Variants in DYRK3 observed in about 807,000 individuals in gnomAD.
DYRK3 encodes dual specificity tyrosine-phosphorylation-regulated kinase 3.
DYRK3 carries 30 observed loss-of-function variants against 40.8 expected under a neutral mutation model. The ratio of observed to expected loss-of-function variants is 0.74; its 90% CI spans 0.55 to 1.00. DYRK3 has a LOEUF of 1.00. Among genes scored for constraint, DYRK3 ranks in the 50% least tolerant of loss-of-function variants. DYRK3 has a pLI of 0.00. For missense variants in DYRK3, 699 were observed against 731.5 expected (o/e 0.96, Z 0.51); for synonymous variants, 272 against 260.7 (o/e 1.04, Z -0.42).
intron 2 of DYRK3, among the ~76,000 whole-genome samples, chr1:206,646,695 C>T (rs1354231699): frequency 2.6e-5 from 4 of 152,190 alleles, no homozygotes; most frequent in African/African-American, 9.7e-5. Flanking sequence ...ACATTCAGCC[C>T]TGCTAGTCTA....
In DYRK3 at chr1:206,651,821, G is replaced by A. The variant is rs1671639492; in HGVS notation, c.*2856G>A. The stretch of plus-strand genomic sequence containing the variant: ...TGGATTTCTGCATGGGTTTCTCACT[G>A]AATAGTAAATTAGAGAAAATGCTAC... On this transcript the variant is annotated 3_prime_UTR_variant, in exon 3 of 3. Coordinates refer to ENST00000367109, the MANE Select transcript of DYRK3 (RefSeq NM_003582.4). Among the ~76,000 whole-genome samples, 1 of 152,170 alleles carries A rather than the reference G, an allele frequency of 6.6e-6. No homozygotes were observed. Among genetic ancestry groups the A allele is most frequent in the Admixed American group, 6.5e-5 (1 of 15,282 alleles).
chr1:206,640,344 CTT>C (rs1364395486), intron 2 of DYRK3, among the ~76,000 whole-genome samples: 6 of 151,970 alleles, frequency 3.9e-5, no homozygotes, highest in African/African-American at 1.5e-4. Flanking sequence ...GATCCTGTTA[CTT>C]TTTTTTACAA....
At chr1:206,642,572 A>G (rs1671321188) in intron 2 of DYRK3, among the ~76,000 whole-genome samples, 1 of 152,228 alleles carries the variant, frequency 6.6e-6, no homozygotes. Flanking sequence ...AATGTGGCAC[A>G]TATACACCAT....
At position 206,644,439 on chromosome 1, in the gene DYRK3, T is replaced by C. The variant is rs11119237; in HGVS notation, c.190-2949T>C. On this transcript the variant is annotated intron_variant, in intron 2 of 2. Coordinates refer to ENST00000367109, the MANE Select transcript of DYRK3 (RefSeq NM_003582.4). ...AAGACTTAAGCAGTAAATATTTAGA[T>C]GAATTAAAGTTAGGTAGTAAAGATT... 0.029 allele frequency among the ~76,000 whole-genome samples: 4,458 copies of C among 152,342 alleles called. 617 individuals are homozygous for C. In the East Asian group the frequency reaches 0.47, roughly 16 times the overall value.
At chr1:206,646,070 G>A (rs1302199226) in intron 2 of DYRK3, among the ~76,000 whole-genome samples, 3 of 151,960 alleles carry the variant, frequency 2.0e-5, no homozygotes, top group Non-Finnish European at 4.4e-5. Context: ...AGCTGGTATC[G>A]AACTTCTAAC....
chr1:206,639,928 C>CTTTTTTTTT (rs1166474916), intron 2 of DYRK3, among the ~76,000 whole-genome samples: 4 of 87,500 alleles, frequency 4.6e-5, no homozygotes, highest in Non-Finnish European at 6.6e-5. Context: ...TTACTCATTT[C>CTTTTTTTTT]TTTTTTTTTT....
Position 206,637,673 on chromosome 1 carries a change from C to T in DYRK3, c.101C>T (p.Thr34Ile). ...AGGTTGGGGGATGGTGTCTATGACA[C>T]CTTCATGATGATAGATGAAACCAAA... ...QRRLGDGVYDTFMMIDETKCP... is the reference protein window; with the variant it reads ...QRRLGDGVYDIFMMIDETKCP... The change falls in exon 2 of 3, where the codon ACC (threonine) becomes ATC (isoleucine). Residue 34 changes from threonine (T) to isoleucine (I), a missense_variant. Physicochemically the swap from Thr to Ile is moderately conservative, Grantham distance 89. Coordinates refer to ENST00000367109, the MANE Select transcript of DYRK3 (RefSeq NM_003582.4). 2 of 1,613,804 alleles carry T rather than the reference C, an allele frequency of 1.2e-6. No individual in the cohort carries two copies. Among genetic ancestry groups the T allele is most frequent in the Non-Finnish European group, 1.7e-6 (2 of 1,179,870 alleles).
In DYRK3 at chr1:206,648,135, C is replaced by G. The variant is rs200513273; in HGVS notation, c.937C>G (p.Arg313Gly). 1.9e-6 allele frequency: 3 copies of G among 1,613,978 alleles called. No individual in the cohort carries two copies. Among genetic ancestry groups the G allele is most frequent in the Non-Finnish European group, 2.5e-6 (3 of 1,180,024 alleles). The part of the protein sequence containing the change: ...KFQGFSVQLV[R>G]KFAQSILQSL... ...TCAGGGTTTTAGCGTCCAGTTGGTA[C>G]GCAAGTTTGCCCAGTCCATCTTGCA... Residue 313 changes from arginine to glycine, a missense_variant, in exon 3 of 3, where the codon CGC (arginine) becomes GGC (glycine). Coordinates refer to ENST00000367109, the MANE Select transcript of DYRK3 (RefSeq NM_003582.4).
chr1:206,642,464 A>G (rs184560736), intron 2 of DYRK3, among the ~76,000 whole-genome samples: 13 of 152,356 alleles, frequency 8.5e-5, no homozygotes, highest in Admixed American at 4.6e-4. Context: ...ATGCTGCTAT[A>G]AAGACACATG....
At position 206,651,378 on chromosome 1, in the gene DYRK3, T is replaced by G. The variant is rs1553421306; in HGVS notation, c.*2413T>G. Reference sequence around the variant, plus strand: ...TCATGGCCAGGAAGATGAAACACCTTGAGAAATGGGAACATCTCTTCACTG... The same window carrying G: ...TCATGGCCAGGAAGATGAAACACCTGGAGAAATGGGAACATCTCTTCACTG... On this transcript the variant is annotated 3_prime_UTR_variant, in exon 3 of 3. Coordinates refer to ENST00000367109, the MANE Select transcript of DYRK3 (RefSeq NM_003582.4). 6.6e-6 allele frequency among the ~76,000 whole-genome samples: 1 copy of G among 152,222 alleles called. No homozygotes were observed. Among genetic ancestry groups the G allele is most frequent in the African/African-American group, 2.4e-5 (1 of 41,448 alleles).
At chr1:206,647,287 A>G in intron 2 of DYRK3, 101 bp from the exon 3 acceptor site, 1 of 1,236,548 alleles carries the variant, frequency 8.1e-7, no homozygotes, top group Non-Finnish European at 1.1e-6. Context: ...CCTTAAAGTA[A>G]ACATGACTGG....
chr1:206,654,873 T>C lies in DYRK3; in HGVS notation c.*5908T>C, dbSNP rs1671714032. Among the ~76,000 whole-genome samples the C allele has an allele frequency of 1.3e-5, 2 of 152,188 alleles. No homozygotes were observed. The highest frequency in any genetic ancestry group is 4.8e-5 in the African/African-American group (2 of 41,452). ...ATATTTTTCTATAACAGGAGAAGCC[T>C]CCCTGACTGGAGACTAGAGTCTCAC... On this transcript the variant is annotated 3_prime_UTR_variant, in exon 3 of 3. Transcript: ENST00000367109.
At chr1:206,637,051 G>T in intron 1 of DYRK3, 2 of 1,009,516 alleles carry the variant, frequency 2.0e-6, no homozygotes, top group South Asian at 1.3e-5. Flanking sequence ...AGGTTAGGTA[G>T]ATGTAAGTAG....
intron 2 of DYRK3, among the ~76,000 whole-genome samples, chr1:206,643,184 A>G (rs1553419579): frequency 6.6e-6 from 1 of 152,122 alleles, no homozygotes; most frequent in African/African-American, 2.4e-5. Flanking sequence ...GGAGGCAGGG[A>G]CAGCACAGCC....
At chr1:206,640,136 A>T (rs1029469075) in intron 2 of DYRK3, among the ~76,000 whole-genome samples, 24 of 151,320 alleles carry the variant, frequency 1.6e-4, no homozygotes, top group African/African-American at 5.8e-4. Flanking sequence ...GGGTTTCACC[A>T]TGTTGGCCAG....
chr1:206,636,662 C>G (rs1015927598), intron 1 of DYRK3, among the ~76,000 whole-genome samples: 25 of 151,998 alleles, frequency 1.6e-4, no homozygotes, highest in Non-Finnish European at 2.6e-4. Flanking sequence ...TTAAGGTGAC[C>G]AGAATATTCC....
chr1:206,654,593 C>T lies in DYRK3; in HGVS notation c.*5628C>T, dbSNP rs1553421655. On this transcript the variant is annotated 3_prime_UTR_variant, in exon 3 of 3. Transcript: ENST00000367109. ...CCCAAACTTTTAAAGAATTTACTTC[C>T]AGACCTGGCCTTCAGCCTAATATGA... Among the ~76,000 whole-genome samples the T allele has an allele frequency of 6.6e-6, 1 of 152,184 alleles. No homozygotes were observed. The highest frequency in any genetic ancestry group is 1.5e-5 in the Non-Finnish European group (1 of 68,034).
At chr1:206,645,108 G>A (rs1671412062) in intron 2 of DYRK3, among the ~76,000 whole-genome samples, 1 of 151,986 alleles carries the variant, frequency 6.6e-6, no homozygotes, top group South Asian at 2.1e-4. Context: ...CTGAATTACG[G>A]GGGCTGTCTG....
chr1:206,639,817 C>G (rs1448648621), intron 2 of DYRK3, among the ~76,000 whole-genome samples: 1 of 151,336 alleles, frequency 6.6e-6, no homozygotes, highest in Non-Finnish European at 1.5e-5. Flanking sequence ...CAGTAGGTTA[C>G]TTACATTGTA....
Sources: allele counts gnomAD v4.1 joint callset (sites outside exome capture counted in the v4.1 genomes callset), GRCh38; gene constraint gnomAD v4.1.1; transcripts MANE v1.5; gene names NCBI Gene and HGNC (gene_info 2026-07-23, HGNC 2026-07-21).